Variants in PIK3C2G observed in about 807,000 individuals in gnomAD.
PIK3C2G encodes phosphatidylinositol 3-kinase C2 domain-containing subunit gamma.
A neutral mutation model predicts 181.1 loss-of-function variants in PIK3C2G; 168 were observed. The observed-to-expected ratio is 0.93, with a 90% CI of 0.82 to 1.05. The LOEUF (loss-of-function observed/expected upper bound fraction) is 1.05, where lower values mean the gene tolerates loss of function less well. PIK3C2G is among the 50% of genes least tolerant of loss of function. PIK3C2G has a pLI of 0.00. For missense variants in PIK3C2G, 1,869 were observed against 1,732.8 expected, an observed-to-expected ratio of 1.08 and a Z score of -1.40; for synonymous variants, 573 against 592.2, an observed-to-expected ratio of 0.97 and a Z score of 0.47.
intron 5 of PIK3C2G, among the ~76,000 whole-genome samples, chr12:18,303,765 T>A (rs186852216): frequency 6.6e-6 from 1 of 152,344 alleles, no homozygotes; most frequent in Admixed American, 6.5e-5. Context: ...CATTGCATTG[T>A]CAGTAGTAAA....
chr12:18,712,761 A>G, the PIK3C2G span: 1 of 1,503,334 alleles, frequency 6.7e-7, no homozygotes, highest in Non-Finnish European at 9.2e-7. Context: ...AAGTAAGGCT[A>G]AGCATTATAG....
chr12:18,348,835 G>A (rs1308666406), intron 11 of PIK3C2G, among the ~76,000 whole-genome samples: 1 of 152,194 alleles, frequency 6.6e-6, no homozygotes, highest in Non-Finnish European at 1.5e-5. Context: ...CTGGGAAGCA[G>A]TTTTGCTGGG....
At chr12:18,506,304 G>A (rs1161973292) in intron 24 of PIK3C2G, among the ~76,000 whole-genome samples, 2 of 152,144 alleles carry the variant, frequency 1.3e-5, no homozygotes, top group Non-Finnish European at 2.9e-5. Flanking sequence ...TTTGGTGGAG[G>A]CCCAATCAGG....
chr12:18,380,522 TA>T (rs1942767945), intron 13 of PIK3C2G, among the ~76,000 whole-genome samples: 1 of 152,120 alleles, frequency 6.6e-6, no homozygotes, highest in Admixed American at 6.5e-5. Context: ...AAAATTACAA[TA>T]AAAATTTTCT....
chr12:18,415,320 G>A (rs901002185), intron 16 of PIK3C2G, among the ~76,000 whole-genome samples: 3 of 152,156 alleles, frequency 2.0e-5, no homozygotes, highest in African/African-American at 4.8e-5. Context: ...TATTATATCT[G>A]TTATGGTGAT....
upstream of PIK3C2G, among the ~76,000 whole-genome samples, chr12:18,244,503 G>A (rs1409976580): frequency 6.6e-6 from 1 of 151,994 alleles, no homozygotes; most frequent in East Asian, 1.9e-4. Context: ...TCTCATACCT[G>A]CTTTCTGGGT....
intron 5 of PIK3C2G, among the ~76,000 whole-genome samples, chr12:18,311,690 T>G (rs1950644687): frequency 1.3e-5 from 2 of 152,034 alleles, no homozygotes; most frequent in Non-Finnish European, 2.9e-5. Flanking sequence ...TCACTCATTG[T>G]TTCTCTGTAA....
At chr12:18,670,015 C>T in the PIK3C2G span, among the ~76,000 whole-genome samples, 1 of 151,910 alleles carries the variant, frequency 6.6e-6, no homozygotes, top group Non-Finnish European at 1.5e-5. Context: ...GTGGCTCAGC[C>T]CTTATGTCTT....
the PIK3C2G span, chr12:18,688,053 C>G: frequency 2.5e-6 from 4 of 1,604,426 alleles, no homozygotes; most frequent in Non-Finnish European, 3.4e-6. Flanking sequence ...AACAAGAAGT[C>G]TAATGGAAAT....
At chr12:18,404,845 A>G (rs903715791) in intron 16 of PIK3C2G, among the ~76,000 whole-genome samples, 1 of 150,536 alleles carries the variant, frequency 6.6e-6, no homozygotes, top group Non-Finnish European at 1.5e-5. Flanking sequence ...ATGTGCACAA[A>G]TCTGGCATCA....
the PIK3C2G span, chr12:18,684,080 C>T: frequency 6.3e-7 from 1 of 1,591,826 alleles, no homozygotes; most frequent in Admixed American, 1.7e-5. Flanking sequence ...TTGATATACA[C>T]AAGTTATATT....
At chr12:18,475,732 T>C (rs1208500314) in intron 18 of PIK3C2G, among the ~76,000 whole-genome samples, 2 of 152,146 alleles carry the variant, frequency 1.3e-5, no homozygotes, top group African/African-American at 2.4e-5. Context: ...TCTACATTAA[T>C]AAATATATTT....
At chr12:18,369,286 T>C (rs1196785050) in intron 12 of PIK3C2G, among the ~76,000 whole-genome samples, 1 of 152,194 alleles carries the variant, frequency 6.6e-6, no homozygotes, top group Non-Finnish European at 1.5e-5. Context: ...CTCATTCCTC[T>C]TTAGCATTCT....
intron 31 of PIK3C2G, among the ~76,000 whole-genome samples, chr12:18,613,314 C>T (rs187265894): frequency 2.1e-4 from 32 of 152,110 alleles, no homozygotes; most frequent in African/African-American, 7.5e-4. Context: ...CTTTCTTAGG[C>T]TCTTAGAACA....
At chr12:18,426,736 T>C (rs1275319797) in intron 18 of PIK3C2G, among the ~76,000 whole-genome samples, 1 of 152,338 alleles carries the variant, frequency 6.6e-6, no homozygotes, top group South Asian at 2.1e-4. Context: ...TTACTCATAA[T>C]GAGATCACTC....
chr12:18,303,152 C>CTTTCTT (rs1323074371), intron 5 of PIK3C2G, among the ~76,000 whole-genome samples: 81 of 72,682 alleles, frequency 1.1e-3, no homozygotes, highest in Admixed American at 5.8e-3. Flanking sequence ...TCTTTTCTTT[C>CTTTCTT]TTCTTTCTCT....
intron 1 of PIK3C2G, among the ~76,000 whole-genome samples, chr12:18,276,430 C>T (rs1258950060): frequency 6.6e-6 from 1 of 152,146 alleles, no homozygotes; most frequent in Non-Finnish European, 1.5e-5. Flanking sequence ...TGTAACAACG[C>T]TTAGGAATCA....
chr12:18,401,354 C>A (rs908027758), intron 16 of PIK3C2G, among the ~76,000 whole-genome samples: 2 of 152,088 alleles, frequency 1.3e-5, no homozygotes, highest in Non-Finnish European at 2.9e-5. Flanking sequence ...GGGATATTCA[C>A]AATTCATCAT....
chr12:18,683,431 C>T, the PIK3C2G span: 5 of 1,451,658 alleles, frequency 3.4e-6, no homozygotes, highest in African/African-American at 5.6e-5. Context: ...CATTAAAAAC[C>T]ATGACTATAG....
Sources: allele counts gnomAD v4.1 joint callset (sites outside exome capture counted in the v4.1 genomes callset), GRCh38; gene constraint gnomAD v4.1.1; transcripts MANE v1.5; gene names NCBI Gene and HGNC (gene_info 2026-07-23, HGNC 2026-07-21).